The following ANKRD23 variants were observed in gnomAD, a reference collection of about 807,000 sequenced individuals.
ANKRD23 encodes ankyrin repeat domain 23.
Under a neutral mutation model 38.1 loss-of-function variants are expected in ANKRD23, and 52 were observed. That is an observed-to-expected ratio of 1.36 (90% CI 1.09 to 1.72). The LOEUF (loss-of-function observed/expected upper bound fraction) is 1.72, where lower values mean the gene tolerates loss of function less well. Ranked by LOEUF, ANKRD23 falls within the 40% of genes most tolerant of loss-of-function variation. The pLI, the probability that ANKRD23 is intolerant of heterozygous loss-of-function variation, is 0.00. For missense variants in ANKRD23, 416 were observed against 400.2 expected (o/e 1.04, Z -0.34); for synonymous variants, 167 against 162.9 (o/e 1.03, Z -0.19).
rs2079752539 is a variant in ANKRD23, at chr2:96,840,835, C to G, written c.378G>C (p.Leu126=). Residue 126 remains leucine (L), a synonymous_variant, in exon 4 of 9, where the codon CTG becomes CTC. Coordinates refer to ENST00000318357, the MANE Select transcript of ANKRD23 (RefSeq NM_144994.8). ...CTCCGTCTGTCAAGTACTTGTCAAT[C>G]AGGTACTCCTGGTTCTCAGCAGCTG... ...LKAAAENQEY[L]IDKYLTDGGD... The G allele has an allele frequency of 6.2e-7, 1 of 1,614,118 alleles. No homozygotes were observed. Among genetic ancestry groups the G allele is most frequent in the Non-Finnish European group, 8.5e-7 (1 of 1,180,048 alleles).
chr2:96,839,679 C>T, intron 8 of ANKRD23, 35 bp from the exon 9 acceptor site: 3 of 1,586,482 alleles, frequency 1.9e-6, no homozygotes, highest in Non-Finnish European at 2.6e-6. Context: ...CCCTTGCAGG[C>T]GCTCCACCCG....
intron 6 of ANKRD23, 66 bp downstream of exon 6, chr2:96,840,166 C>G (rs1410136608): frequency 3.0e-5 from 47 of 1,564,452 alleles, no homozygotes; most frequent in Non-Finnish European, 4.0e-5. Context: ...ACTACGTGCT[C>G]TCTTCTCCAG....
chr2:96,842,083 T>C lies in ANKRD23; in HGVS notation c.277A>G (p.Arg93Gly), dbSNP rs2079768122. The change falls in exon 3 of 9, where the codon AGG becomes GGG. Residue 93 changes from arginine (R) to glycine (G), a missense_variant. Arg to Gly is a moderately radical substitution (Grantham distance 125, BLOSUM62 -2). Transcript: ENST00000318357. Reference protein sequence around the residue: ...KKRLRHRVPPRKPEPLVKPQS... With the variant: ...KKRLRHRVPPGKPEPLVKPQS... ...ACCTTAACCAGGGGCTCAGGTTTCC[T>C]GGGGGGGACTCTGTGTCTCAGTCGC... 3.1e-6 allele frequency: 5 copies of C among 1,614,098 alleles called. No individual in the cohort carries two copies. The highest frequency in any genetic ancestry group is 1.1e-5 in the South Asian group (1 of 91,072).
chr2:96,841,906 C>T (rs972826226), intron 3 of ANKRD23, among the ~76,000 whole-genome samples, 154 bp downstream of exon 3: 12 of 152,206 alleles, frequency 7.9e-5, no homozygotes, highest in African/African-American at 2.2e-4. Context: ...GCAGCCCTGG[C>T]GGACACATCC....
At chr2:96,840,572 C>A in intron 4 of ANKRD23, 58 bp from the exon 5 acceptor site, 1 of 1,581,614 alleles carries the variant, frequency 6.3e-7, no homozygotes, top group East Asian at 2.3e-5. Context: ...AGAGACCCCA[C>A]GCGGTCCCCT....
Position 96,839,255 on chromosome 2 carries a change from T to C in ANKRD23, c.*294A>G. On this transcript the variant is annotated 3_prime_UTR_variant, in exon 9 of 9. Coordinates refer to ENST00000318357, the MANE Select transcript of ANKRD23 (RefSeq NM_144994.8). ...CTTAAGGCTCGTTCTTGGCCCTCAC[T>C]CTCCTCCCCTTCCTGGCCCTCATCT... 1 of 1,165,700 alleles carries C rather than the reference T, an allele frequency of 8.6e-7. No individual in the cohort carries two copies. Among genetic ancestry groups the C allele is most frequent in the Non-Finnish European group, 1.1e-6 (1 of 946,002 alleles). The allele number at this position is 1,165,700 out of a possible 1,614,324, so 72.2% of individuals were successfully genotyped here.
rs1233627387 is a variant in ANKRD23 at position 96,838,278 on chromosome 2, C to T, written c.*1271G>A. The T allele has an allele frequency of 2.2e-6, 2 of 892,014 alleles. No individual in the cohort carries two copies. Among genetic ancestry groups the T allele is most frequent in the African/African-American group, 3.6e-5 (2 of 55,202 alleles). 55.3% of individuals were successfully genotyped at this position (892,014 alleles called of 1,614,324 possible). A position where few individuals can be genotyped will look rare whatever the true frequency, so the allele number is the denominator to read the frequency against. ...CATGTGAGGGAGGCTGAGCCTTCAC[C>T]TTTCAGCCCTTCCCTCAGCATGTGG... On this transcript the variant is annotated 3_prime_UTR_variant, in exon 9 of 9. Coordinates refer to ENST00000318357, the MANE Select transcript of ANKRD23 (RefSeq NM_144994.8).
At position 96,838,748 on chromosome 2, in the gene ANKRD23, G is replaced by A. The variant is rs2079721728; in HGVS notation, c.*801C>T. On this transcript the variant is annotated 3_prime_UTR_variant, in exon 9 of 9. Coordinates refer to ENST00000318357, the MANE Select transcript of ANKRD23 (RefSeq NM_144994.8). ...ATGAGAGCCGCCAGCAGGCAACGGT[G>A]TGCCAGGCCGGCCTGAGCGGGGCCA... 2.0e-6 allele frequency: 2 copies of A among 985,644 alleles called. No homozygotes were observed. Among genetic ancestry groups the A allele is most frequent in the South Asian group, 4.7e-5 (1 of 21,294 alleles). The allele number at this position is 985,644 out of a possible 1,614,324, so 61.1% of individuals were successfully genotyped here. A position where few individuals can be genotyped will look rare whatever the true frequency, so the allele number is the denominator to read the frequency against.
intron 4 of ANKRD23, 21 bp downstream of exon 4, chr2:96,840,766 G>A (rs574411892): frequency 2.6e-5 from 42 of 1,613,420 alleles, no homozygotes; most frequent in East Asian, 1.1e-4. Flanking sequence ...GCTGCCAGCC[G>A]ACTCACCCAA....
chr2:96,840,139 C>T (rs991788490), intron 6 of ANKRD23, 44 bp from the exon 7 acceptor site: 1 of 1,547,822 alleles, frequency 6.5e-7, no homozygotes, highest in African/African-American at 1.4e-5. Context: ...ATTGGTGAGG[C>T]CTCCCTAACC....
chr2:96,840,087 G>T lies in ANKRD23; in HGVS notation c.633C>A (p.Ser211Arg), dbSNP rs753360180. The change falls in exon 7 of 9, where the codon AGC becomes AGA. Residue 211 changes from serine to arginine, a missense_variant. Physicochemically the swap from Ser to Arg is moderately radical, Grantham distance 110. Transcript: ENST00000318357. ...TGCGCACTGCCACGTGCAGGGGGGT[G>T]CTCCCGATCTGAGAGCAAGTGGGGG... ...ARVNARDKIG[S>R]TPLHVAVRTR... is the part of the protein sequence containing the mutation. The T allele has an allele frequency of 1.3e-6, 2 of 1,556,132 alleles. No individual in the cohort carries two copies. Among genetic ancestry groups the T allele is most frequent in the Non-Finnish European group, 8.7e-7 (1 of 1,149,342 alleles).
At chr2:96,841,598 C>CAAAAAAA (rs564581027) in intron 3 of ANKRD23, among the ~76,000 whole-genome samples, 1 of 36,104 alleles carries the variant, frequency 2.8e-5, no homozygotes, top group African/African-American at 6.8e-5. Flanking sequence ...GACTCCGTCT[C>CAAAAAAA]AAAAAAAAAA....
rs771106274 is a variant in ANKRD23, at chr2:96,842,083, TG to T, written c.276del (p.Arg93GlyfsTer24). 5.6e-6 allele frequency: 9 copies of T among 1,613,982 alleles called. No individual in the cohort carries two copies. Among genetic ancestry groups the T allele is most frequent in the Admixed American group, 5.0e-5 (3 of 59,992 alleles). Reference sequence around the variant, plus strand: ...ACCTTAACCAGGGGCTCAGGTTTCCTGGGGGGGACTCTGTGTCTCAGTCGCT... The same window carrying T: ...ACCTTAACCAGGGGCTCAGGTTTCCTGGGGGGACTCTGTGTCTCAGTCGCT... ...RKKRLRHRVPPRKPEPLVKPQ... is the reference protein window; with the variant it reads ...RKKRLRHRVPXRKPEPLVKPQ... On this transcript the variant is annotated frameshift_variant, in exon 3 of 9. Transcript: ENST00000318357. LOFTEE classifies it high-confidence loss of function.
intron 2 of ANKRD23, 70 bp from the exon 3 acceptor site, chr2:96,842,255 G>A (rs2079769983): frequency 2.5e-6 from 4 of 1,609,334 alleles, no homozygotes; most frequent in Middle Eastern, 4.0e-4. Context: ...CTGCCGACAG[G>A]AGACACCAGC....
intron 3 of ANKRD23, chr2:96,841,141 A>T (rs1037661528): frequency 3.9e-6 from 2 of 509,892 alleles, no homozygotes; most frequent in South Asian, 5.1e-5. Context: ...ATTCGTATGA[A>T]GTACTAACCC....
rs200734536 is a variant in ANKRD23 at position 96,840,905 on chromosome 2, G to C, written c.308C>G (p.Ser103Cys). 6.2e-7 allele frequency: 1 copy of C among 1,613,818 alleles called. No homozygotes were observed. The highest frequency in any genetic ancestry group is 8.5e-7 in the Non-Finnish European group (1 of 1,179,962). ...GCCCACAGGCTCCACCTGGGCCTGGGACTGCGGCTGGTTCAGTTGAAGACA... is the reference window on the plus strand; with the variant it reads ...GCCCACAGGCTCCACCTGGGCCTGGCACTGCGGCTGGTTCAGTTGAAGACA... ...RKPEPLVKPQSQAQVEPVGLE... is the reference protein window; with the variant it reads ...RKPEPLVKPQCQAQVEPVGLE... The change falls in exon 4 of 9, where the codon TCC becomes TGC. Residue 103 changes from serine (S) to cysteine (C), a missense_variant. Coordinates refer to ENST00000318357, the MANE Select transcript of ANKRD23 (RefSeq NM_144994.8).
At chr2:96,843,293 C>A (rs960464157) in intron 1 of ANKRD23, among the ~76,000 whole-genome samples, 4 of 152,198 alleles carry the variant, frequency 2.6e-5, no homozygotes, top group African/African-American at 9.7e-5. Context: ...AGAGGCTGCA[C>A]CAGGCTGGGG....
chr2:96,840,594 G>T, intron 4 of ANKRD23, 80 bp from the exon 5 acceptor site: 1 of 1,545,750 alleles, frequency 6.5e-7, no homozygotes, highest in Non-Finnish European at 8.9e-7. Context: ...CCCAGGGCCA[G>T]GTCCCTGAAT....
intron 2 of ANKRD23, 25 bp downstream of exon 2, chr2:96,842,340 A>AACCCC: frequency 6.8e-7 from 1 of 1,462,822 alleles, no homozygotes; most frequent in African/African-American, 1.7e-5. Flanking sequence ...ACTGCCCCCA[A>AACCCC]CCCCGGCCCC....
Sources: gnomAD v4.1 joint callset for allele counts (sites outside exome capture counted in the v4.1 genomes callset) on GRCh38, gnomAD v4.1.1 for gene constraint, MANE v1.5 for transcripts, NCBI Gene and HGNC (gene_info 2026-07-23, HGNC 2026-07-21) for gene names.